Variants in ZBTB20 observed in about 807,000 individuals in gnomAD.
ZBTB20 encodes zinc finger and BTB domain-containing protein 20.
In ZBTB20, 9 loss-of-function variants were observed where a neutral mutation model predicts 56.9. The ratio of observed to expected loss-of-function variants is 0.16; its 90% confidence interval spans 0.10 to 0.28. ZBTB20 has a LOEUF of 0.28. Among genes scored for constraint, ZBTB20 ranks in the 10% least tolerant of loss-of-function variants. ZBTB20 has a pLI of 1.00. For synonymous variants in ZBTB20, 417 were observed against 420.7 expected (o/e 0.99, Z 0.11); for missense variants, 655 against 1,003.0 (o/e 0.65, Z 4.69).
chr3:114,742,943 T>C (rs916560984), intron 5 of ZBTB20, among the ~76,000 whole-genome samples: 4 of 152,304 alleles, frequency 2.6e-5, no homozygotes, highest in South Asian at 2.1e-4. Context: ...ATATGTGAGG[T>C]AGTACAAGAC....
chr3:115,025,410 C>A (rs1270673600), intron 2 of ZBTB20, among the ~76,000 whole-genome samples: 1 of 151,210 alleles, frequency 6.6e-6, no homozygotes, highest in Non-Finnish European at 1.5e-5. Context: ...AATGAACATA[C>A]ACATGCATGT....
chr3:114,611,031 G>A (rs184435313), intron 6 of ZBTB20, among the ~76,000 whole-genome samples: 1 of 152,234 alleles, frequency 6.6e-6, no homozygotes, highest in Admixed American at 6.5e-5. Flanking sequence ...GGCATACAAC[G>A]AAAGCAAGTT....
intron 2 of ZBTB20, among the ~76,000 whole-genome samples, chr3:114,986,483 C>T (rs971808688): frequency 2.0e-5 from 3 of 151,896 alleles, no homozygotes; most frequent in Admixed American, 6.6e-5. Context: ...TTTTTTTCAT[C>T]GCTCATGATT....
intron 2 of ZBTB20, among the ~76,000 whole-genome samples, chr3:115,002,733 T>C (rs939928347): frequency 2.6e-5 from 4 of 151,644 alleles, no homozygotes; most frequent in African/African-American, 9.7e-5. Flanking sequence ...CACTCATTGC[T>C]GGTGGGAATG....
At chr3:114,952,292 A>T (rs899614152) in intron 3 of ZBTB20, among the ~76,000 whole-genome samples, 7 of 152,030 alleles carry the variant, frequency 4.6e-5, no homozygotes, top group Non-Finnish European at 7.4e-5. Flanking sequence ...TAAAAAGAAT[A>T]GTTTGGCCCA....
chr3:115,069,864 A>T (rs1029940844), intron 2 of ZBTB20, among the ~76,000 whole-genome samples: 31 of 151,930 alleles, frequency 2.0e-4, no homozygotes, highest in African/African-American at 5.1e-4. Context: ...AAAAAAAAAA[A>T]ATATTCTTGG....
At chr3:114,509,017 C>G (rs1577177008) in intron 6 of ZBTB20, among the ~76,000 whole-genome samples, 1 of 152,120 alleles carries the variant, frequency 6.6e-6, no homozygotes, top group African/African-American at 2.4e-5. Flanking sequence ...ATTGCTTATG[C>G]TGCTTCATAA....
At chr3:114,915,296 T>A (rs1576313470) in intron 3 of ZBTB20, among the ~76,000 whole-genome samples, 1 of 152,030 alleles carries the variant, frequency 6.6e-6, no homozygotes, top group African/African-American at 2.4e-5. Context: ...TCAATCCTGG[T>A]AGGTTGTATA....
At chr3:114,372,673 C>T (rs191745279) in intron 10 of ZBTB20, among the ~76,000 whole-genome samples, 153 of 151,604 alleles carry the variant, frequency 1.0e-3, no homozygotes, top group African/African-American at 3.6e-3. Flanking sequence ...AAAATACAAA[C>T]AAACAAAAAA....
intron 2 of ZBTB20, among the ~76,000 whole-genome samples, chr3:115,000,483 T>G (rs1194428005): frequency 6.6e-6 from 1 of 151,586 alleles, no homozygotes; most frequent in African/African-American, 2.4e-5. Flanking sequence ...CAGTAATATT[T>G]TGAGTCCAGT....
chr3:114,625,550 G>A (rs1264216230), intron 6 of ZBTB20, among the ~76,000 whole-genome samples: 1 of 152,096 alleles, frequency 6.6e-6, no homozygotes, highest in East Asian at 1.9e-4. Flanking sequence ...TGGGTTAATA[G>A]TGTCTGTATA....
chr3:114,516,750 C>T (rs146320089), intron 6 of ZBTB20, among the ~76,000 whole-genome samples: 32 of 152,180 alleles, frequency 2.1e-4, no homozygotes, highest in Middle Eastern at 3.4e-3. Flanking sequence ...GTGACGATGA[C>T]GGCAGAGATT....
chr3:114,419,974 T>G (rs1375601881), intron 7 of ZBTB20, among the ~76,000 whole-genome samples: 1 of 152,150 alleles, frequency 6.6e-6, no homozygotes, highest in Non-Finnish European at 1.5e-5. Context: ...AGTGACAGTT[T>G]TTACAGTACA....
chr3:115,057,623 C>T (rs2108462296), intron 2 of ZBTB20, among the ~76,000 whole-genome samples: 1 of 152,082 alleles, frequency 6.6e-6, no homozygotes, highest in East Asian at 1.9e-4. Flanking sequence ...ATATATTTAC[C>T]ATTTCTGGTA....
intron 7 of ZBTB20, among the ~76,000 whole-genome samples, chr3:114,464,882 G>A (rs1188097944): frequency 1.3e-5 from 2 of 152,008 alleles, no homozygotes; most frequent in African/African-American, 4.8e-5. Context: ...TACAATAACA[G>A]GACTAAATGC....
At chr3:114,450,377 T>C (rs1388764408) in intron 7 of ZBTB20, among the ~76,000 whole-genome samples, 3 of 152,184 alleles carry the variant, frequency 2.0e-5, no homozygotes, top group Non-Finnish European at 2.9e-5. Context: ...ACAAAGCTGT[T>C]TTGGAGTTTT....
At chr3:115,108,405 TA>T (rs1308841255) in intron 1 of ZBTB20, among the ~76,000 whole-genome samples, 3 of 152,032 alleles carry the variant, frequency 2.0e-5, no homozygotes, top group African/African-American at 4.8e-5. Flanking sequence ...CTGTACTACA[TA>T]AAAAATGAGT....
In ZBTB20 at chr3:115,043,577, G is replaced by GAAATAAAATAAAATAAAATAAAATA. The variant is rs143409903; in HGVS notation, c.-507+27617_-507+27641dup. Among the ~76,000 whole-genome samples the GAAATAAAATAAAATAAAATAAAATA allele has an allele frequency of 2.6e-3, 354 of 135,588 alleles. 1 individual carries two copies. The highest frequency in any genetic ancestry group is 0.011 in the Middle Eastern group (3 of 272). 89.0% of individuals were successfully genotyped at this position (135,588 alleles called of 152,430 possible). ...CTCAGCAAGACTCTGGTCTCAAAAAGAAATAAAATAAAATAAAATAAAATA... is the reference window on the plus strand; with the variant it reads ...CTCAGCAAGACTCTGGTCTCAAAAAGAAATAAAATAAAATAAAATAAAATAAAATAAAATAAAATAAAATAAAATA... On this transcript the variant is annotated intron_variant, in intron 2 of 11. Coordinates refer to ENST00000675478, the MANE Select transcript of ZBTB20 (RefSeq NM_001348800.3).
chr3:114,738,363 CCTCT>C (rs558961037), intron 5 of ZBTB20, among the ~76,000 whole-genome samples: 1 of 151,830 alleles, frequency 6.6e-6, no homozygotes, highest in Non-Finnish European at 1.5e-5. Context: ...TTGTCTTTCT[CCTCT>C]CTGACAACTT....
Sources: gnomAD v4.1 joint callset for allele counts (sites outside exome capture counted in the v4.1 genomes callset) on GRCh38, gnomAD v4.1.1 for gene constraint, MANE v1.5 for transcripts, NCBI Gene and HGNC (gene_info 2026-07-23, HGNC 2026-07-21) for gene names.